MREG: variants seen among roughly 807,000 people sequenced by gnomAD.
MREG encodes melanoregulin.
Under a neutral mutation model 28.5 loss-of-function variants are expected in MREG, and 31 were observed. The ratio of observed to expected loss-of-function variants is 1.09; its 90% CI spans 0.82 to 1.47. The LOEUF (loss-of-function observed/expected upper bound fraction) is 1.47, where lower values mean the gene tolerates loss of function less well. Ranked by LOEUF, MREG falls within the 40% of genes most tolerant of loss-of-function variation. The probability of loss-of-function intolerance (pLI) is 0.00; values close to 1 mark genes in which losing one functional copy is unlikely to be tolerated. For missense variants in MREG, 256 were observed against 257.4 expected, an observed-to-expected ratio of 0.99 and a Z score of 0.04; for synonymous variants, 106 against 95.2, an observed-to-expected ratio of 1.11 and a Z score of -0.66.
intron 2 of MREG, among the ~76,000 whole-genome samples, chr2:215,972,713 T>C (rs1054398101): frequency 3.9e-5 from 6 of 152,118 alleles, no homozygotes; most frequent in African/African-American, 1.4e-4. Flanking sequence ...GTGCAAAAAT[T>C]ATCTAATTGT....
intron 2 of MREG, among the ~76,000 whole-genome samples, chr2:215,957,851 C>T (rs1692667766): frequency 6.6e-6 from 1 of 151,978 alleles, no homozygotes; most frequent in East Asian, 1.9e-4. Context: ...GACTTGGAAC[C>T]AACCCAAATG....
chr2:215,940,206 CAG>C (rs1302788177), downstream of MREG, among the ~76,000 whole-genome samples: 2 of 152,128 alleles, frequency 1.3e-5, no homozygotes, highest in Non-Finnish European at 2.9e-5. Context: ...TGTGTCAAAA[CAG>C]AAGATGGAAG....
chr2:215,949,087 C>CTACTACTAATAA (rs869228880), intron 2 of MREG, among the ~76,000 whole-genome samples: 34 of 124,592 alleles, frequency 2.7e-4, no homozygotes, highest in African/African-American at 4.3e-4. Context: ...ACTACTACTA[C>CTACTACTAATAA]TAATAATAAT....
intron 2 of MREG, among the ~76,000 whole-genome samples, chr2:215,993,641 G>C (rs570133013): frequency 2.6e-5 from 4 of 152,146 alleles, no homozygotes; most frequent in Admixed American, 6.5e-5. Flanking sequence ...CCTACAGAAT[G>C]AGAGAAAATT....
At chr2:215,990,560 G>A (rs6710163) in intron 2 of MREG, among the ~76,000 whole-genome samples, 2,748 of 152,212 alleles carry the variant, frequency 0.018, 89 homozygotes, top group African/African-American at 0.062. Flanking sequence ...AACCTTAAAC[G>A]TAAATAGGCT....
chr2:215,981,916 A>G (rs1055312455), intron 2 of MREG, among the ~76,000 whole-genome samples: 1 of 152,106 alleles, frequency 6.6e-6, no homozygotes, highest in African/African-American at 2.4e-5. Context: ...TCACCACCAC[A>G]CATCCTGCAG....
At chr2:216,010,567 C>T (rs199664963) in intron 1 of MREG, among the ~76,000 whole-genome samples, 77 of 148,696 alleles carry the variant, frequency 5.2e-4, no homozygotes, top group Admixed American at 6.0e-4. Flanking sequence ...CCGTGTTAGC[C>T]AGGATGGTCT....
chr2:216,002,035 C>T (rs1239702250), intron 1 of MREG, among the ~76,000 whole-genome samples: 1 of 152,142 alleles, frequency 6.6e-6, no homozygotes, highest in African/African-American at 2.4e-5. Flanking sequence ...CTTTCTCTCC[C>T]TCCCCCATAT....
At chr2:215,993,172 T>C (rs1574635419) in intron 2 of MREG, among the ~76,000 whole-genome samples, 1 of 152,014 alleles carries the variant, frequency 6.6e-6, no homozygotes, top group South Asian at 2.1e-4. Context: ...TCAAACTATA[T>C]TACAAGGCTA....
chr2:215,970,424 T>A (rs1693057079), intron 2 of MREG, among the ~76,000 whole-genome samples: 1 of 152,206 alleles, frequency 6.6e-6, no homozygotes, highest in Non-Finnish European at 1.5e-5. Context: ...AGCAAACCAA[T>A]ACACCCACCA....
At chr2:216,004,830 T>C (rs1158628050) in intron 1 of MREG, among the ~76,000 whole-genome samples, 1 of 151,958 alleles carries the variant, frequency 6.6e-6, no homozygotes, top group Admixed American at 6.6e-5. Context: ...AAATACATAG[T>C]GAGTAAGGGA....
rs112228466 is a variant in MREG, at chr2:215,989,026, A to G, written c.255+7280T>C. On this transcript the variant is annotated intron_variant, in intron 2 of 4. Coordinates refer to ENST00000263268, the MANE Select transcript of MREG (RefSeq NM_018000.3). ...TGAAGAGAGCAGTGGATCTCCCAGG[A>G]TGGCCCTCAAGCTCTGCTAAGGGAC... Among the ~76,000 whole-genome samples the G allele has an allele frequency of 7.4e-3, 1,130 of 152,274 alleles. 15 individuals are homozygous for G. The highest frequency in any genetic ancestry group is 0.024 in the African/African-American group (1,011 of 41,566).
intron 2 of MREG, among the ~76,000 whole-genome samples, chr2:215,965,389 A>G (rs545065174): frequency 1.2e-4 from 18 of 152,368 alleles, no homozygotes; most frequent in Admixed American, 3.9e-4. Flanking sequence ...GACAGCAAGA[A>G]CAAGGTGACG....
intron 1 of MREG, among the ~76,000 whole-genome samples, chr2:216,026,259 C>G (rs75279134): frequency 0.046 from 7,053 of 152,258 alleles, 191 homozygotes; most frequent in Middle Eastern, 0.085. Context: ...ATGATGAAAA[C>G]GTTTTGAAAC....
At position 215,980,845 on chromosome 2, in the gene MREG, G is replaced by GAGGGGAGGGC. The variant is rs1217278752; in HGVS notation, c.255+15460_255+15461insGCCCTCCCCT. Among the ~76,000 whole-genome samples, 973 of 147,144 alleles carry GAGGGGAGGGC rather than the reference G, an allele frequency of 6.6e-3. 9 individuals are homozygous for GAGGGGAGGGC. Among genetic ancestry groups the GAGGGGAGGGC allele is most frequent in the African/African-American group, 0.023 (923 of 39,616 alleles). On this transcript the variant is annotated intron_variant, in intron 2 of 4. Transcript: ENST00000263268. Reference sequence around the variant, plus strand: ...AAGAAAAGGGAAGAGAAGCAGAGAGGAGGGGAGGGGAGGGGAGGGGAGGGC... The same window carrying GAGGGGAGGGC: ...AAGAAAAGGGAAGAGAAGCAGAGAGGAGGGGAGGGCAGGGGAGGGGAGGGGAGGGGAGGGC...
chr2:216,032,804 TTTAGAA>T (rs1208400062), exon 1 of MREG: 4 of 152,224 alleles, frequency 2.6e-5, no homozygotes, highest in African/African-American at 9.6e-5. Flanking sequence ...TTGAATACGG[TTTAGAA>T]TCTTCCTGCT....
At chr2:215,974,848 ACACACT>A (rs1380226048) in intron 2 of MREG, among the ~76,000 whole-genome samples, 15 of 136,530 alleles carry the variant, frequency 1.1e-4, no homozygotes, top group African/African-American at 3.5e-4. Flanking sequence ...ACACACACAC[ACACACT>A]CTCTCTCTCT....
downstream of MREG, among the ~76,000 whole-genome samples, chr2:215,940,856 CGTGT>C (rs964353809): frequency 1.3e-4 from 19 of 151,992 alleles, no homozygotes; most frequent in African/African-American, 4.3e-4. Flanking sequence ...TGTGTGCGCG[CGTGT>C]GTGTGTGTCC....
At chr2:216,008,293 T>C (rs1190145023) in intron 1 of MREG, among the ~76,000 whole-genome samples, 2 of 152,218 alleles carry the variant, frequency 1.3e-5, no homozygotes, top group East Asian at 3.8e-4. Context: ...GGCACTGTTG[T>C]AAATGCTTTG....
Sources: gnomAD v4.1 joint callset for allele counts (sites outside exome capture counted in the v4.1 genomes callset) on GRCh38, gnomAD v4.1.1 for gene constraint, MANE v1.5 for transcripts, NCBI Gene and HGNC (gene_info 2026-07-23, HGNC 2026-07-21) for gene names.